GLI3: variants seen among roughly 807,000 people sequenced by gnomAD.
The protein encoded by GLI3 is GLI family zinc finger 3, also known as transcription activator GLI3.
In GLI3, 20 loss-of-function variants were observed where a neutral mutation model predicts 100.8. The ratio of observed to expected loss-of-function variants is 0.20; its 90% CI spans 0.14 to 0.29. The LOEUF is 0.29. Among genes scored for constraint, GLI3 ranks in the 10% least tolerant of loss-of-function variants. GLI3 has a pLI of 1.00. For synonymous variants in GLI3, 938 were observed against 860.5 expected, an observed-to-expected ratio of 1.09 and a Z score of -1.58; for missense variants, 2,040 against 2,128.5, an observed-to-expected ratio of 0.96 and a Z score of 0.82.
At chr7:41,979,906 C>T (rs1433922317) in intron 10 of GLI3, among the ~76,000 whole-genome samples, 1 of 152,112 alleles carries the variant, frequency 6.6e-6, no homozygotes, top group African/African-American at 2.4e-5. Flanking sequence ...AAGCGGTGGT[C>T]GCTGTGAGTC....
At chr7:41,990,471 A>C (rs892392331) in intron 10 of GLI3, among the ~76,000 whole-genome samples, 1 of 152,222 alleles carries the variant, frequency 6.6e-6, no homozygotes, top group Non-Finnish European at 1.5e-5. Context: ...ATGCCCTACG[A>C]AAGCAACCAT....
Position 42,040,376 on chromosome 7 carries a change from T to C in GLI3, c.827-137A>G, listed in dbSNP as rs77092127. 34 of 712,832 alleles carry C rather than the reference T, an allele frequency of 4.8e-5. No homozygotes were observed. In the East Asian group the frequency reaches 8.5e-4, roughly 18 times the overall value. 44.2% of individuals were successfully genotyped at this position (712,832 alleles called of 1,614,324 possible). On this transcript the variant is annotated intron_variant, in intron 6 of 14. Coordinates refer to ENST00000395925, the MANE Select transcript of GLI3 (RefSeq NM_000168.6). ...GGTGACAAGCACCTCTCCTCCCCCA[T>C]GTGATCTACTAGCTACAGTTGAGGA...
At position 42,026,342 on chromosome 7, in the gene GLI3, G is replaced by A; in HGVS notation, c.1099C>T (p.Gln367Ter). Residue 367 changes from glutamine to a stop codon, truncating the protein, a stop_gained, in exon 8 of 15, where the codon CAA becomes TAA. Transcript: ENST00000395925. LOFTEE classifies it high-confidence loss of function. ...CCAAAGGCTGAACCTAAGCTCTGTT[G>A]TCGGCTTAGGATCTGCTGATGCATG... ...LHMHQQILSR[Q>*]QSLGSAFGHS... is the part of the protein sequence containing the mutation. The A allele has an allele frequency of 6.2e-7, 1 of 1,614,118 alleles. No individual in the cohort carries two copies. The highest frequency in any genetic ancestry group is 8.5e-7 in the Non-Finnish European group (1 of 1,179,972).
At chr7:41,986,777 T>C (rs1787833939) in intron 10 of GLI3, among the ~76,000 whole-genome samples, 2 of 151,802 alleles carry the variant, frequency 1.3e-5, no homozygotes, top group South Asian at 4.2e-4. Context: ...TATCAAAACA[T>C]ACGAATTGCT....
intron 3 of GLI3, among the ~76,000 whole-genome samples, chr7:42,087,114 A>C (rs1307314288): frequency 1.3e-5 from 2 of 152,166 alleles, no homozygotes; most frequent in African/African-American, 2.4e-5. Flanking sequence ...AAAGGTGAAA[A>C]GGGGGAGGAA....
At chr7:41,989,032 T>C (rs1417110122) in intron 10 of GLI3, among the ~76,000 whole-genome samples, 7 of 152,194 alleles carry the variant, frequency 4.6e-5, no homozygotes. Context: ...TTTCTACAAG[T>C]TACTGAGCAG....
At chr7:42,088,631 C>A (rs1178425145) in intron 3 of GLI3, among the ~76,000 whole-genome samples, 1 of 152,272 alleles carries the variant, frequency 6.6e-6, no homozygotes, top group Non-Finnish European at 1.5e-5. Context: ...ATTGCCCACT[C>A]TTCCCCTCCA....
At chr7:42,198,790 A>G (rs962524130) in intron 2 of GLI3, among the ~76,000 whole-genome samples, 24 of 152,200 alleles carry the variant, frequency 1.6e-4, no homozygotes, top group African/African-American at 5.5e-4. Flanking sequence ...ACACACAAAC[A>G]CACAGGCGGC....
rs1787033434 is a variant in GLI3 at position 41,962,390 on chromosome 7, A to C, written c.*1940T>G. ...ATGCCTTGTTTCAGAAACACAGAGAAAGTCTTGCTTTTTCAACTGAAAAGT... is the reference window on the plus strand; with the variant it reads ...ATGCCTTGTTTCAGAAACACAGAGACAGTCTTGCTTTTTCAACTGAAAAGT... On this transcript the variant is annotated 3_prime_UTR_variant, in exon 15 of 15. Coordinates refer to ENST00000395925, the MANE Select transcript of GLI3 (RefSeq NM_000168.6). The C allele has an allele frequency of 6.6e-6, 1 of 152,248 alleles. No individual in the cohort carries two copies. Among genetic ancestry groups the C allele is most frequent in the African/African-American group, 2.4e-5 (1 of 41,470 alleles). 9.4% of individuals were successfully genotyped at this position (152,248 alleles called of 1,614,324 possible).
intron 10 of GLI3, among the ~76,000 whole-genome samples, chr7:41,982,554 A>T (rs550567263): frequency 6.6e-6 from 1 of 152,052 alleles, no homozygotes; most frequent in South Asian, 2.1e-4. Context: ...CTAAAAAAAA[A>T]ATCAGGGTGT....
At chr7:42,154,257 G>A (rs1221885187) in intron 2 of GLI3, among the ~76,000 whole-genome samples, 3 of 152,146 alleles carry the variant, frequency 2.0e-5, no homozygotes, top group South Asian at 2.1e-4. Flanking sequence ...TGGAGGACCC[G>A]CACAGGTGCA....
At position 42,182,660 on chromosome 7, in the gene GLI3, A is replaced by ATATATATATATATACATGTGTG. The variant is rs1554337055; in HGVS notation, c.125-34193_125-34192insCACACATGTATATATATATATA. ...TATGTGTGTGTATATATATATATAT[A>ATATATATATATATACATGTGTG]TATATATATATATATATATATACAC... is the stretch of plus-strand genomic sequence containing the variant. On this transcript the variant is annotated intron_variant, in intron 2 of 14. Transcript: ENST00000395925. 5.4e-4 allele frequency among the ~76,000 whole-genome samples: 32 copies of ATATATATATATATACATGTGTG among 59,100 alleles called. 1 individual carries two copies. Among genetic ancestry groups the ATATATATATATATACATGTGTG allele is most frequent in the African/African-American group, 2.3e-3 (24 of 10,302 alleles). 38.8% of individuals were successfully genotyped at this position (59,100 alleles called of 152,430 possible). A position where few individuals can be genotyped will look rare whatever the true frequency, so the allele number is the denominator to read the frequency against.
chr7:42,041,351 G>T lies in GLI3; in HGVS notation c.827-1112C>A, dbSNP rs1784132775. Among the ~76,000 whole-genome samples, 3 of 152,172 alleles carry T rather than the reference G, an allele frequency of 2.0e-5. No individual in the cohort carries two copies. In the South Asian group the frequency reaches 6.2e-4, roughly 32 times the overall value. ...AGAGTTCAAAATTAAATGCCAATTT[G>T]CATTCAAATTTGGTAGATATTAGAG... is the stretch of plus-strand genomic sequence containing the variant. On this transcript the variant is annotated intron_variant, in intron 6 of 14. Transcript: ENST00000395925.
chr7:42,130,077 G>A (rs1033227104), intron 3 of GLI3, among the ~76,000 whole-genome samples: 3 of 152,096 alleles, frequency 2.0e-5, no homozygotes, highest in East Asian at 3.9e-4. Flanking sequence ...CTAACTTCTA[G>A]TGTTGGTCCC....
rs1457148636 is a variant in GLI3 at position 41,961,124 on chromosome 7, G to A, written c.*3206C>T. On this transcript the variant is annotated 3_prime_UTR_variant, in exon 15 of 15. Coordinates refer to ENST00000395925, the MANE Select transcript of GLI3 (RefSeq NM_000168.6). ...GCAGGCTTGTCCGAGGAACGCCTGGGCCAGTCACATCTGAACGCTATGCCT... is the reference window on the plus strand; with the variant it reads ...GCAGGCTTGTCCGAGGAACGCCTGGACCAGTCACATCTGAACGCTATGCCT... The A allele has an allele frequency of 6.6e-6, 1 of 152,570 alleles. No individual in the cohort carries two copies. Among genetic ancestry groups the A allele is most frequent in the South Asian group, 2.1e-4 (1 of 4,830 alleles). The allele number at this position is 152,570 out of a possible 1,614,324, so 9.5% of individuals were successfully genotyped here.
At chr7:42,025,113 A>G (rs891177698) in intron 9 of GLI3, 151 bp downstream of exon 9, 4 of 625,900 alleles carry the variant, frequency 6.4e-6, no homozygotes, top group South Asian at 5.6e-5. Flanking sequence ...AGCCTTTTGT[A>G]CAACATGTAG....
chr7:42,181,831 G>T (rs771820067), intron 2 of GLI3, among the ~76,000 whole-genome samples: 1 of 152,086 alleles, frequency 6.6e-6, no homozygotes, highest in African/African-American at 2.4e-5. Flanking sequence ...CATACATCTT[G>T]GTAAATAACA....
chr7:42,213,009 GAA>G (rs1161053459), intron 2 of GLI3, among the ~76,000 whole-genome samples: 3 of 152,180 alleles, frequency 2.0e-5, no homozygotes, highest in African/African-American at 4.8e-5. Context: ...TTCTTTCAAA[GAA>G]CCTAGGTTAC....
At chr7:42,162,591 T>C (rs1787151278) in intron 2 of GLI3, among the ~76,000 whole-genome samples, 1 of 152,234 alleles carries the variant, frequency 6.6e-6, no homozygotes, top group South Asian at 2.1e-4. Context: ...GAAGAGTTGA[T>C]GAAAACGGCA....
Sources: gnomAD v4.1 joint callset for allele counts (sites outside exome capture counted in the v4.1 genomes callset) on GRCh38, gnomAD v4.1.1 for gene constraint, MANE v1.5 for transcripts, NCBI Gene and HGNC (gene_info 2026-07-23, HGNC 2026-07-21) for gene names.